The following OR2B11 variants were observed in gnomAD, a reference collection of about 807,000 sequenced individuals.
OR2B11 encodes olfactory receptor 2B11.
For missense variants in OR2B11, 422 were observed against 400.0 expected (o/e 1.05, Z -0.47); for synonymous variants, 198 against 174.5 (o/e 1.13, Z -1.06).
chr1:247,451,402 G>T lies in OR2B11; in HGVS notation c.581C>A (p.Ala194Asp). The T allele has an allele frequency of 6.2e-7, 1 of 1,614,154 alleles. No homozygotes were observed. The highest frequency in any genetic ancestry group is 8.5e-7 in the Non-Finnish European group (1 of 1,180,020). ...TATGGTGTCATTCACAGCGGTGTCA[G>T]CACACGACAGCTTGATCACGGCCGG... is the stretch of plus-strand genomic sequence containing the variant. ...EVPAVIKLSC[A>D]DTAVNDTILA... is the part of the protein sequence containing the mutation. Residue 194 changes from alanine to aspartate, a missense_variant, in exon 2 of 2, where the codon GCT (alanine) becomes GAT (aspartate). Transcript: ENST00000641149.
rs147410436 is a variant in OR2B11 at position 247,451,499 on chromosome 1, C to T, written c.484G>A (p.Val162Met). 2.2e-5 allele frequency: 35 copies of T among 1,614,074 alleles called. No individual in the cohort carries two copies. The highest frequency in any genetic ancestry group is 2.2e-4 in the Admixed American group (13 of 60,008). The change falls in exon 2 of 2, where the codon GTG (valine) becomes ATG (methionine). Residue 162 changes from valine (V) to methionine (M), a missense_variant. Physicochemically the swap from Val to Met is conservative, Grantham distance 21 (BLOSUM62 1). Transcript: ENST00000641149. ...AATTGCACCGTCAGGACCACCTGCA[C>T]GAAGGAGTTGCCGAAGCCACTGAGC... The part of the protein sequence containing the change: ...AWLSGFGNSF[V>M]QVVLTVQLPF...
At chr1:247,455,468 G>A (rs192995034) in intron 1 of OR2B11, among the ~76,000 whole-genome samples, 1 of 152,272 alleles carries the variant, frequency 6.6e-6, no homozygotes, top group Non-Finnish European at 1.5e-5. Flanking sequence ...TAATAACACG[G>A]ACTCTTTCAT....
At position 247,451,365 on chromosome 1, in the gene OR2B11, C is replaced by T. The variant is rs772666502; in HGVS notation, c.618G>A (p.Leu206=). 7.4e-6 allele frequency: 12 copies of T among 1,614,058 alleles called. No individual in the cohort carries two copies. The highest frequency in any genetic ancestry group is 1.0e-5 in the Non-Finnish European group (12 of 1,180,042). Residue 206 remains leucine, a synonymous_variant, in exon 2 of 2, where the codon CTG becomes CTA. Transcript: ENST00000641149. ...TAVNDTILAV[L]VAFFVLVPLA... is the part of the protein sequence containing the mutation. ...GGGGCACCAACACGAAGAAGGCCACCAGCACAGCCAGTATGGTGTCATTCA... is the reference window on the plus strand; with the variant it reads ...GGGGCACCAACACGAAGAAGGCCACTAGCACAGCCAGTATGGTGTCATTCA...
chr1:247,451,292 T>C lies in OR2B11; in HGVS notation c.691A>G (p.Arg231Gly). 1 of 1,614,094 alleles carries C rather than the reference T, an allele frequency of 6.2e-7. No homozygotes were observed. The highest frequency in any genetic ancestry group is 8.5e-7 in the Non-Finnish European group (1 of 1,180,022). Residue 231 changes from arginine (R) to glycine (G), a missense_variant, in exon 2 of 2, where the codon AGG becomes GGG. Coordinates refer to ENST00000641149, the MANE Select transcript of OR2B11 (RefSeq NM_001004492.2). ...SYGFIARAVL[R>G]IQSSKGRHKA... ...TGTCGTCCCTTGGAGGACTGGATCC[T>C]GAGCACTGCCCGGGCAATAAAGCCA...
Position 247,450,988 on chromosome 1 carries a change from G to A in OR2B11, c.*41C>T. The A allele has an allele frequency of 8.2e-7, 1 of 1,215,714 alleles. No individual in the cohort carries two copies. Among genetic ancestry groups the A allele is most frequent in the Non-Finnish European group, 1.1e-6 (1 of 881,388 alleles). 75.3% of individuals were successfully genotyped at this position (1,215,714 alleles called of 1,614,324 possible). ...TCTGAGTGCACAATAGACTTGTGCT[G>A]TGTTCTTTAATTGATGGAGATGCTA... On this transcript the variant is annotated 3_prime_UTR_variant, in exon 2 of 2. Coordinates refer to ENST00000641149, the MANE Select transcript of OR2B11 (RefSeq NM_001004492.2).
intron 1 of OR2B11, among the ~76,000 whole-genome samples, chr1:247,456,282 CA>C (rs909849729): frequency 5.3e-5 from 8 of 152,184 alleles, no homozygotes; most frequent in Non-Finnish European, 4.4e-5. Flanking sequence ...TCAAAAGTAA[CA>C]AACAGTTCCC....
rs1664831043 is a variant in OR2B11, at chr1:247,451,102, T to C, written c.881A>G (p.Tyr294Cys). 1 of 1,515,488 alleles carries C rather than the reference T, an allele frequency of 6.6e-7. No individual in the cohort carries two copies. The highest frequency in any genetic ancestry group is 8.8e-7 in the Non-Finnish European group (1 of 1,132,172). 93.9% of individuals were successfully genotyped at this position (1,515,488 alleles called of 1,614,324 possible). The change falls in exon 2 of 2, where the codon TAC becomes TGC. Residue 294 changes from tyrosine to cysteine, a missense_variant. By Grantham distance (194) the Tyr-to-Cys change is radical. Coordinates refer to ENST00000641149, the MANE Select transcript of OR2B11 (RefSeq NM_001004492.2). ...CTTCATATCTTTATTTCTCAGGGTG[T>C]AGGTGAAGGGATTGAGAGTGGGGGT... is the stretch of plus-strand genomic sequence containing the variant. ...IITPTLNPFT[Y>C]TLRNKDMKGA...
Position 247,451,160 on chromosome 1 carries a change from C to T in OR2B11, c.823G>A (p.Gly275Ser), listed in dbSNP as rs1664834003. The change falls in exon 2 of 2, where the codon GGC becomes AGC. Residue 275 changes from glycine (G) to serine (S), a missense_variant. Physicochemically the swap from Gly to Ser is moderately conservative, Grantham distance 56 (BLOSUM62 0). Coordinates refer to ENST00000641149, the MANE Select transcript of OR2B11 (RefSeq NM_001004492.2). The stretch of plus-strand genomic sequence containing the variant: ...GAATAGAAGAGAGAAATAAATTTGC[C>T]CTGCTCTTGGGAGTAGCTGGAAGGG... ...QPPSSYSQEQ[G>S]KFISLFYSII... 6.5e-7 allele frequency: 1 copy of T among 1,539,390 alleles called. No homozygotes were observed. The highest frequency in any genetic ancestry group is 8.7e-7 in the Non-Finnish European group (1 of 1,142,908).
At position 247,451,987 on chromosome 1, in the gene OR2B11, C is replaced by G; in HGVS notation, c.-5G>C. On this transcript the variant is annotated 5_prime_UTR_variant, in exon 2 of 2. Coordinates refer to ENST00000641149, the MANE Select transcript of OR2B11 (RefSeq NM_001004492.2). ...GCTATGGTTGTCACTTTTCATGTTG[C>G]GGCATTTTCTGGCACTTGTGGCAAA... is the stretch of plus-strand genomic sequence containing the variant. The G allele has an allele frequency of 6.3e-7, 1 of 1,578,454 alleles. No homozygotes were observed. Among genetic ancestry groups the G allele is most frequent in the Non-Finnish European group, 8.7e-7 (1 of 1,150,118 alleles).
chr1:247,452,196 C>G lies in OR2B11; in HGVS notation c.-214G>C. 2 of 554,108 alleles carry G rather than the reference C, an allele frequency of 3.6e-6. No homozygotes were observed. The highest frequency in any genetic ancestry group is 2.9e-5 in the East Asian group (1 of 34,250). 34.3% of individuals were successfully genotyped at this position (554,108 alleles called of 1,614,324 possible). On this transcript the variant is annotated 5_prime_UTR_variant, in exon 2 of 2. Coordinates refer to ENST00000641149, the MANE Select transcript of OR2B11 (RefSeq NM_001004492.2). ...CAGCCTCTGTGTCTTTGCTCTCCTT[C>G]CTACTCAGTGGCCGCAACTAAACCA...
rs1247052566 is a variant in OR2B11 at position 247,451,454 on chromosome 1, C to A, written c.529G>T (p.Val177Leu). Residue 177 changes from valine (V) to leucine (L), a missense_variant, in exon 2 of 2, where the codon GTG (valine) becomes TTG (leucine). Val to Leu is a conservative substitution (Grantham distance 32). Coordinates refer to ENST00000641149, the MANE Select transcript of OR2B11 (RefSeq NM_001004492.2). Reference protein sequence around the residue: ...TVQLPFCGRQVLNNFFCEVPA... With the variant: ...TVQLPFCGRQLLNNFFCEVPA... Reference sequence around the variant, plus strand: ...ACCTCACAGAAAAAGTTGTTCAGCACCTGCCGCCCGCAGAATGGCAATTGC... The same window carrying A: ...ACCTCACAGAAAAAGTTGTTCAGCAACTGCCGCCCGCAGAATGGCAATTGC... 3 of 1,614,054 alleles carry A rather than the reference C, an allele frequency of 1.9e-6. No homozygotes were observed. The highest frequency in any genetic ancestry group is 2.7e-5 in the African/African-American group (2 of 74,928).
chr1:247,452,277 T>C lies in OR2B11; in HGVS notation c.-295A>G. On this transcript the variant is annotated 5_prime_UTR_variant, in exon 2 of 2. Coordinates refer to ENST00000641149, the MANE Select transcript of OR2B11 (RefSeq NM_001004492.2). The stretch of plus-strand genomic sequence containing the variant: ...AATGGGGAGAAATACCTCCTTCAAT[T>C]GCCAAGACTTGGGGACGATAGAGAC... 1 of 362,010 alleles carries C rather than the reference T, an allele frequency of 2.8e-6. No individual in the cohort carries two copies. The highest frequency in any genetic ancestry group is 5.1e-6 in the Non-Finnish European group (1 of 196,698). The allele number at this position is 362,010 out of a possible 1,614,324, so 22.4% of individuals were successfully genotyped here.
rs757829829 is a variant in OR2B11 at position 247,453,172 on chromosome 1, A to G, written c.-1190T>C. On this transcript the variant is annotated 5_prime_UTR_variant, in exon 2 of 2. Transcript: ENST00000641149. Reference sequence around the variant, plus strand: ...AATCCTGTAAGCAGATAATTTATGAAGGATTTTTATTCTTGATTTGGTACC... The same window carrying G: ...AATCCTGTAAGCAGATAATTTATGAGGGATTTTTATTCTTGATTTGGTACC... The G allele has an allele frequency of 4.6e-5, 7 of 152,224 alleles. No individual in the cohort carries two copies. The highest frequency in any genetic ancestry group is 1.0e-4 in the Non-Finnish European group (7 of 68,040). 9.4% of individuals were successfully genotyped at this position (152,224 alleles called of 1,614,324 possible). A position where few individuals can be genotyped will look rare whatever the true frequency, so the allele number is the denominator to read the frequency against.
At position 247,451,890 on chromosome 1, in the gene OR2B11, G is replaced by C; in HGVS notation, c.93C>G (p.Leu31=). The C allele has an allele frequency of 6.2e-7, 1 of 1,614,116 alleles. No homozygotes were observed. The highest frequency in any genetic ancestry group is 2.2e-5 in the East Asian group (1 of 44,884). ...CATAGGACAGCAGGAGGACCACAAA[G>C]AGAGGGAGTTCCAGCCACGGCCTGT... ...VSDRPWLELP[L]FVVLLLSYVL... Residue 31 remains leucine (L), a synonymous_variant, in exon 2 of 2, where the codon CTC becomes CTG. Coordinates refer to ENST00000641149, the MANE Select transcript of OR2B11 (RefSeq NM_001004492.2).
Position 247,451,222 on chromosome 1 carries a change from AG to A in OR2B11, c.760del (p.Leu254SerfsTer31). On this transcript the variant is annotated frameshift_variant, in exon 2 of 2. Transcript: ENST00000641149. LOFTEE classifies it high-confidence loss of function. ...TCSSHLMIVS[L>X]FYLPAIYMYL... ...CATGTAAATCGCAGGTAGGTAGAAG[AG>A]GGAGACGATCATCAGGTGGGAGGAA... The A allele has an allele frequency of 1.3e-6, 2 of 1,597,896 alleles. No homozygotes were observed. Among genetic ancestry groups the A allele is most frequent in the Non-Finnish European group, 1.7e-6 (2 of 1,169,050 alleles).
Position 247,451,219 on chromosome 1 carries a change from A to G in OR2B11, c.764T>C (p.Phe255Ser), listed in dbSNP as rs1664835347. ...ATACATGTAAATCGCAGGTAGGTAG[A>G]AGAGGGAGACGATCATCAGGTGGGA... is the stretch of plus-strand genomic sequence containing the variant. ...CSSHLMIVSL[F>S]YLPAIYMYLQ... Residue 255 changes from phenylalanine to serine, a missense_variant, in exon 2 of 2, where the codon TTC becomes TCC. By Grantham distance (155) the Phe-to-Ser change is radical. Coordinates refer to ENST00000641149, the MANE Select transcript of OR2B11 (RefSeq NM_001004492.2). 6.3e-7 allele frequency: 1 copy of G among 1,596,022 alleles called. No homozygotes were observed. The highest frequency in any genetic ancestry group is 8.6e-7 in the Non-Finnish European group (1 of 1,168,134).
Position 247,457,676 on chromosome 1 carries a change from G to C in OR2B11, c.-3120C>G, listed in dbSNP as rs1664990458. The C allele has an allele frequency of 1.3e-5, 2 of 152,230 alleles. No homozygotes were observed. The highest frequency in any genetic ancestry group is 4.8e-5 in the African/African-American group (2 of 41,424). The allele number at this position is 152,230 out of a possible 1,614,324, so 9.4% of individuals were successfully genotyped here. A position where few individuals can be genotyped will look rare whatever the true frequency, so the allele number is the denominator to read the frequency against. On this transcript the variant is annotated 5_prime_UTR_variant, in exon 1 of 2. Coordinates refer to ENST00000641149, the MANE Select transcript of OR2B11 (RefSeq NM_001004492.2). ...TGGCTCCTACAGAAGACTTGCTTTAGGACTGAAGGCTATATTGCAGTCTGT... is the reference window on the plus strand; with the variant it reads ...TGGCTCCTACAGAAGACTTGCTTTACGACTGAAGGCTATATTGCAGTCTGT...
Position 247,451,988 on chromosome 1 carries a change from G to A in OR2B11, c.-6C>T, listed in dbSNP as rs369695460. The A allele has an allele frequency of 2.6e-4, 400 of 1,557,408 alleles. No homozygotes were observed. Among genetic ancestry groups the A allele is most frequent in the Middle Eastern group, 1.3e-3 (8 of 5,964 alleles). On this transcript the variant is annotated 5_prime_UTR_variant, in exon 2 of 2. Coordinates refer to ENST00000641149, the MANE Select transcript of OR2B11 (RefSeq NM_001004492.2). ...CTATGGTTGTCACTTTTCATGTTGC[G>A]GCATTTTCTGGCACTTGTGGCAAAT...
chr1:247,457,096 C>T (rs1365406588), intron 1 of OR2B11, among the ~76,000 whole-genome samples: 3 of 152,106 alleles, frequency 2.0e-5, no homozygotes, highest in Non-Finnish European at 2.9e-5. Flanking sequence ...CTGCACAGCC[C>T]TCAGCGCGTG....
Sources: allele counts gnomAD v4.1 joint callset (sites outside exome capture counted in the v4.1 genomes callset), GRCh38; gene constraint gnomAD v4.1.1; transcripts MANE v1.5; gene names NCBI Gene and HGNC (gene_info 2026-07-23, HGNC 2026-07-21).